Variants in KANSL3 observed in about 807,000 individuals in gnomAD.
KANSL3 encodes KAT8 regulatory NSL complex subunit 3, also known as NSL complex protein NSL3.
KANSL3 carries 16 observed loss-of-function variants against 89.2 expected under a neutral mutation model. That is an observed-to-expected ratio of 0.18 (90% CI 0.12 to 0.27). KANSL3 has a LOEUF of 0.27. Among genes scored for constraint, KANSL3 ranks in the 10% least tolerant of loss-of-function variants. KANSL3 has a pLI of 1.00. For missense variants in KANSL3, 879 were observed against 1,110.6 expected, an observed-to-expected ratio of 0.79 and a Z score of 2.96; for synonymous variants, 385 against 419.7, an observed-to-expected ratio of 0.92 and a Z score of 1.01.
intron 3 of KANSL3, among the ~76,000 whole-genome samples, chr2:96,623,539 A>C (rs529224826): frequency 6.6e-6 from 1 of 152,318 alleles, no homozygotes; most frequent in East Asian, 1.9e-4. Context: ...TGGATAGAGC[A>C]AATACCCTCT....
At chr2:96,605,180 T>C (rs992751272) in intron 15 of KANSL3, 140 bp downstream of exon 15, 9 of 739,614 alleles carry the variant, frequency 1.2e-5, no homozygotes, top group Non-Finnish European at 2.0e-5. Flanking sequence ...TTTACCCACA[T>C]GTACAGACTC....
At chr2:96,598,666 T>C (rs1443409692) in intron 20 of KANSL3, among the ~76,000 whole-genome samples, 1 of 152,070 alleles carries the variant, frequency 6.6e-6, no homozygotes, top group Non-Finnish European at 1.5e-5. Flanking sequence ...TCCCAACACT[T>C]TGGGAGGCCA....
intron 14 of KANSL3, 24 bp downstream of exon 14, chr2:96,608,484 G>T (rs2068348111): frequency 6.2e-7 from 1 of 1,612,738 alleles, no homozygotes; most frequent in East Asian, 2.2e-5. Context: ...GACCCAAGAG[G>T]AGCCACTGGC....
the KANSL3 span, among the ~76,000 whole-genome samples, chr2:96,586,095 G>A: frequency 9.6e-4 from 146 of 151,992 alleles, 1 homozygote; most frequent in African/African-American, 3.5e-3. Flanking sequence ...CGTGGTGGCG[G>A]GCACCTGTAA....
In KANSL3 at chr2:96,600,724, T is replaced by C. The variant is rs577710712; in HGVS notation, c.2616+919A>G. On this transcript the variant is annotated intron_variant, in intron 20 of 20. Transcript: ENST00000431828. ...GCTCCTCAGATTACCATTTTAAGAT[T>C]AGAAATATTTGACTTGAAAAGGTCA... The C allele has an allele frequency of 6.2e-4, 611 of 985,388 alleles. 1 individual carries two copies. Among genetic ancestry groups the C allele is most frequent in the Non-Finnish European group, 7.0e-4 (582 of 829,924 alleles). The allele number at this position is 985,388 out of a possible 1,614,324, so 61.0% of individuals were successfully genotyped here.
chr2:96,634,368 T>A (rs1362167944), intron 2 of KANSL3, among the ~76,000 whole-genome samples: 1 of 152,150 alleles, frequency 6.6e-6, no homozygotes. Context: ...CTAAAAATAT[T>A]AGCCAGGCAT....
At chr2:96,607,141 A>G (rs896237721) in intron 14 of KANSL3, 2 of 691,846 alleles carry the variant, frequency 2.9e-6, no homozygotes, top group South Asian at 1.5e-5. Context: ...AAAATGGCCA[A>G]TAGGGGCTCC....
chr2:96,623,905 G>T (rs1467449518), intron 3 of KANSL3, among the ~76,000 whole-genome samples: 1 of 152,220 alleles, frequency 6.6e-6, no homozygotes, highest in Non-Finnish European at 1.5e-5. Context: ...AGCTTTCCTT[G>T]CTAGAGCTAA....
intron 14 of KANSL3, chr2:96,605,847 CAACAAA>C (rs2067904186): frequency 5.5e-6 from 1 of 180,982 alleles, no homozygotes. Context: ...ATGGCAACAA[CAACAAA>C]AATAGAGGAT....
chr2:96,597,469 T>C (rs1468119091), intron 20 of KANSL3, among the ~76,000 whole-genome samples: 1 of 152,230 alleles, frequency 6.6e-6, no homozygotes, highest in East Asian at 1.9e-4. Context: ...CAGTGCTCTG[T>C]CTGGCAATCT....
chr2:96,605,291 T>C, intron 15 of KANSL3, 29 bp downstream of exon 15: 1 of 1,583,534 alleles, frequency 6.3e-7, no homozygotes, highest in South Asian at 1.1e-5. Flanking sequence ...AGAGCTCAGT[T>C]CTCATTTAAC....
At chr2:96,627,268 G>T (rs988798349) in intron 3 of KANSL3, among the ~76,000 whole-genome samples, 3 of 151,908 alleles carry the variant, frequency 2.0e-5, no homozygotes, top group African/African-American at 7.3e-5. Context: ...GGGCTGGAGT[G>T]CAGTGGCACG....
chr2:96,627,857 A>G (rs1261303419), intron 3 of KANSL3: 2 of 1,225,726 alleles, frequency 1.6e-6, no homozygotes, highest in Non-Finnish European at 2.1e-6. Context: ...AAATGGTGGT[A>G]TCTGAAACTG....
rs139198347 is a variant in KANSL3 at position 96,623,402 on chromosome 2, C to T, written c.387-3640G>A. The stretch of plus-strand genomic sequence containing the variant: ...CCAGCATCCTTTCCATCATATCCCA[C>T]CCCACAAGATACTCTAATTTCTACA... On this transcript the variant is annotated intron_variant, in intron 3 of 20. Transcript: ENST00000431828. Among the ~76,000 whole-genome samples, 9 of 152,326 alleles carry T rather than the reference C, an allele frequency of 5.9e-5. No individual in the cohort carries two copies. The East Asian group carries it at 1.7e-3, about 29-fold the overall frequency.
At chr2:96,614,679 G>A (rs4907199) in intron 5 of KANSL3, among the ~76,000 whole-genome samples, 1,927 of 151,294 alleles carry the variant, frequency 0.013, 132 homozygotes, top group Admixed American at 0.11. Context: ...GCTGAGGTCC[G>A]AGAATCACCT....
At chr2:96,587,357 A>G in the KANSL3 span, among the ~76,000 whole-genome samples, 2 of 152,234 alleles carry the variant, frequency 1.3e-5, no homozygotes, top group African/African-American at 4.8e-5. Flanking sequence ...AGAAAGACCA[A>G]CAAGGTACTC....
chr2:96,593,111 T>A, downstream of KANSL3: 1 of 378,208 alleles, frequency 2.6e-6, no homozygotes, highest in Non-Finnish European at 5.3e-6. Context: ...CCCACTTCAT[T>A]GGGTGGTTTC....
chr2:96,593,545 T>G lies in KANSL3; in HGVS notation c.*2066A>C. 3.0e-6 allele frequency: 1 copy of G among 334,938 alleles called. No individual in the cohort carries two copies. Among genetic ancestry groups the G allele is most frequent in the Non-Finnish European group, 5.9e-6 (1 of 168,922 alleles). 20.7% of individuals were successfully genotyped at this position (334,938 alleles called of 1,614,324 possible). A position where few individuals can be genotyped will look rare whatever the true frequency, so the allele number is the denominator to read the frequency against. On this transcript the variant is annotated 3_prime_UTR_variant, in exon 21 of 21. Transcript: ENST00000431828. ...CACTTCCTCTGTTACCCTGTGCAAG[T>G]TGTAGAACAATCCACGTTCTCACAG...
intron 2 of KANSL3, among the ~76,000 whole-genome samples, chr2:96,634,458 G>A (rs2073960323): frequency 6.6e-6 from 1 of 151,986 alleles, no homozygotes; most frequent in South Asian, 2.1e-4. Context: ...AGAGGTTGCA[G>A]TGAGCCAAGA....
Sources: gnomAD v4.1 joint callset for allele counts (sites outside exome capture counted in the v4.1 genomes callset) on GRCh38, gnomAD v4.1.1 for gene constraint, MANE v1.5 for transcripts, NCBI Gene and HGNC (gene_info 2026-07-23, HGNC 2026-07-21) for gene names.